The following TNRC6A variants were observed in gnomAD, a reference collection of about 807,000 sequenced individuals.
TNRC6A encodes trinucleotide repeat-containing gene 6A protein.
A neutral mutation model predicts 221.2 loss-of-function variants in TNRC6A; 44 were observed. The observed-to-expected ratio is 0.20, with a 90% CI of 0.16 to 0.26. The LOEUF (loss-of-function observed/expected upper bound fraction) is 0.26. Among genes scored for constraint, TNRC6A ranks in the 10% least tolerant of loss-of-function variants. The pLI is 1.00. For missense variants in TNRC6A, 2,199 were observed against 2,404.4 expected, an observed-to-expected ratio of 0.91 and a Z score of 1.79; for synonymous variants, 847 against 838.5, an observed-to-expected ratio of 1.01 and a Z score of -0.18.
intron 2 of TNRC6A, among the ~76,000 whole-genome samples, chr16:24,732,419 C>A (rs1378079857): frequency 6.6e-6 from 1 of 152,174 alleles, no homozygotes; most frequent in Non-Finnish European, 1.5e-5. Context: ...TTATTGATTG[C>A]TTACTATGTG....
Position 24,789,615 on chromosome 16 carries a change from C to G in TNRC6A, c.973C>G (p.Gln325Glu), listed in dbSNP as rs1234107933. 6.2e-7 allele frequency: 1 copy of G among 1,614,074 alleles called. No individual in the cohort carries two copies. Among genetic ancestry groups the G allele is most frequent in the Non-Finnish European group, 8.5e-7 (1 of 1,180,026 alleles). ...CCATGGAGCCATAATAAGCACATGT[C>G]AGGTCTCTGTGGATGCTCCTGAAAG... ...FSHGAIISTC[Q>E]VSVDAPESKS... is the part of the protein sequence containing the mutation. The change falls in exon 6 of 25, where the codon CAG becomes GAG. Residue 325 changes from glutamine (Q) to glutamate (E), a missense_variant. Physicochemically the swap from Gln to Glu is conservative, Grantham distance 29. Around this residue, in one of 8 missense-constraint regions of TNRC6A, gnomAD observed 1,405 missense variants for 1,400.2 expected, o/e 1.00. Transcript: ENST00000395799.
intron 23 of TNRC6A, among the ~76,000 whole-genome samples, chr16:24,822,514 C>T (rs573864278): frequency 2.0e-5 from 3 of 152,134 alleles, no homozygotes; most frequent in Admixed American, 1.3e-4. Context: ...TTTTCTTAGC[C>T]CCTGGCCTGC....
At chr16:24,773,803 T>A (rs989271742) in intron 4 of TNRC6A, among the ~76,000 whole-genome samples, 1 of 152,182 alleles carries the variant, frequency 6.6e-6, no homozygotes, top group Non-Finnish European at 1.5e-5. Context: ...TTGTCTGATA[T>A]CAATATTGTT....
At chr16:24,821,974 C>G in intron 22 of TNRC6A, 103 bp from the exon 23 acceptor site, 1 of 1,099,382 alleles carries the variant, frequency 9.1e-7, no homozygotes, top group Non-Finnish European at 1.4e-6. Flanking sequence ...TGTAGAAGTG[C>G]AAGGAAGTGA....
chr16:24,646,097 T>C (rs2141807351), intron 2 of TNRC6A, among the ~76,000 whole-genome samples: 1 of 152,294 alleles, frequency 6.6e-6, no homozygotes, highest in South Asian at 2.1e-4. Context: ...ATGAAATGTT[T>C]TCATTTCAAT....
At chr16:24,703,021 C>G (rs935189644) in intron 2 of TNRC6A, among the ~76,000 whole-genome samples, 1 of 149,210 alleles carries the variant, frequency 6.7e-6, no homozygotes, top group East Asian at 1.9e-4. Flanking sequence ...GGTGACAGTG[C>G]GAGACTCTGT....
intron 2 of TNRC6A, among the ~76,000 whole-genome samples, chr16:24,658,618 A>G (rs2054965426): frequency 6.6e-6 from 1 of 151,786 alleles, no homozygotes. Flanking sequence ...TCGGCCTCCC[A>G]AAGTGCTGGG....
rs2058822933 is a variant in TNRC6A at position 24,824,014 on chromosome 16, C to T, written c.*207C>T. Reference sequence around the variant, plus strand: ...TGTGAAAAGGTATCTACTCTATTTACACTCCCAAATAGCGCCATACATGCT... The same window carrying T: ...TGTGAAAAGGTATCTACTCTATTTATACTCCCAAATAGCGCCATACATGCT... On this transcript the variant is annotated 3_prime_UTR_variant, in exon 25 of 25. Transcript: ENST00000395799. The T allele has an allele frequency of 2.5e-6, 1 of 399,944 alleles. No homozygotes were observed. Among genetic ancestry groups the T allele is most frequent in the South Asian group, 1.3e-4 (1 of 7,582 alleles). The allele number at this position is 399,944 out of a possible 1,614,324, so 24.8% of individuals were successfully genotyped here. A position where few individuals can be genotyped will look rare whatever the true frequency, so the allele number is the denominator to read the frequency against.
intron 11 of TNRC6A, among the ~76,000 whole-genome samples, chr16:24,799,831 C>G (rs1324367614): frequency 6.6e-6 from 1 of 152,152 alleles, no homozygotes; most frequent in Non-Finnish European, 1.5e-5. Flanking sequence ...CCTTCATTCA[C>G]AAAGGATCTG....
chr16:24,624,003 A>G (rs76406483), intron 1 of TNRC6A, among the ~76,000 whole-genome samples: 3,089 of 151,532 alleles, frequency 0.02, 98 homozygotes, highest in African/African-American at 0.07. Context: ...GCTCTATGCA[A>G]TTGCAAAGGT....
chr16:24,620,150 AAAG>A (rs1453285813), intron 1 of TNRC6A, among the ~76,000 whole-genome samples: 1 of 152,096 alleles, frequency 6.6e-6, no homozygotes, highest in Admixed American at 6.5e-5. Context: ...TCAAAAAAAA[AAAG>A]AACTATATGA....
chr16:24,785,869 G>A (rs533816733), intron 5 of TNRC6A, among the ~76,000 whole-genome samples: 1 of 152,304 alleles, frequency 6.6e-6, no homozygotes, highest in South Asian at 2.1e-4. Context: ...ACAGTGACAA[G>A]GGCTGGACTG....
chr16:24,739,261 A>C (rs1490284054), intron 2 of TNRC6A, among the ~76,000 whole-genome samples: 1 of 151,860 alleles, frequency 6.6e-6, no homozygotes, highest in Non-Finnish European at 1.5e-5. Context: ...TTTGATTTAC[A>C]TTTTCCTAAT....
chr16:24,809,535 A>G, intron 18 of TNRC6A, 54 bp downstream of exon 18: 1 of 1,422,986 alleles, frequency 7.0e-7, no homozygotes, highest in Middle Eastern at 1.9e-4. Flanking sequence ...CACCTGCAGA[A>G]TACTAGATTT....
chr16:24,709,363 T>C (rs1346941094), intron 2 of TNRC6A, among the ~76,000 whole-genome samples: 1 of 152,196 alleles, frequency 6.6e-6, no homozygotes, highest in Non-Finnish European at 1.5e-5. Context: ...GATCTACTTT[T>C]AGTTCTAAAT....
intron 3 of TNRC6A, 70 bp from the exon 4 acceptor site, chr16:24,758,269 T>C: frequency 6.8e-7 from 1 of 1,471,948 alleles, no homozygotes; most frequent in African/African-American, 1.4e-5. Flanking sequence ...ATATGAACAT[T>C]TTATCATAAC....
chr16:24,727,441 C>G (rs1163099246), upstream of TNRC6A, among the ~76,000 whole-genome samples: 1 of 152,110 alleles, frequency 6.6e-6, no homozygotes, highest in Non-Finnish European at 1.5e-5. Context: ...GGGGACTGTC[C>G]TACGCATCGT....
intron 2 of TNRC6A, among the ~76,000 whole-genome samples, chr16:24,648,302 C>T (rs564033040): frequency 0.011 from 274 of 25,982 alleles, no homozygotes; most frequent in African/African-American, 0.058. Context: ...GATGGAGTCT[C>T]GCTCTGTCGC....
intron 14 of TNRC6A, 44 bp downstream of exon 14, chr16:24,805,195 G>A: frequency 1.2e-6 from 2 of 1,601,974 alleles, no homozygotes; most frequent in African/African-American, 1.3e-5. Context: ...CTGCAAAAAG[G>A]ATCTTGCATG....
Sources: gnomAD v4.1 joint callset for allele counts (sites outside exome capture counted in the v4.1 genomes callset) on GRCh38, gnomAD v4.1.1 for gene constraint, gnomAD v4.1.1 regional missense constraint, MANE v1.5 for transcripts, NCBI Gene and HGNC (gene_info 2026-07-23, HGNC 2026-07-21) for gene names.